HSDL2: variants seen among roughly 807,000 people sequenced by gnomAD.
HSDL2 encodes the protein hydroxysteroid dehydrogenase like 2.
In HSDL2, 27 loss-of-function variants were observed where a neutral mutation model predicts 46.3. The observed-to-expected ratio is 0.58, with a 90% CI of 0.43 to 0.80. The LOEUF is 0.80. HSDL2 is among the 30% of genes least tolerant of loss of function. The pLI, the probability that HSDL2 is intolerant of heterozygous loss-of-function variation, is 0.00. For missense variants in HSDL2, 451 were observed against 502.7 expected (o/e 0.90, Z 0.98); for synonymous variants, 153 against 163.6 (o/e 0.94, Z 0.50).
chr9:112,380,122 C>T lies in HSDL2; in HGVS notation c.-42C>T, dbSNP rs747164243. ...GGTCCAGCTTTAGCTCTCTGCTCGC[C>T]GCCGCCGCTGTCGCCGCCACCTCCT... On this transcript the variant is annotated 5_prime_UTR_variant, in exon 1 of 11. Coordinates refer to ENST00000398805, the MANE Select transcript of HSDL2 (RefSeq NM_032303.5). 5 of 1,542,780 alleles carry T rather than the reference C, an allele frequency of 3.2e-6. No individual in the cohort carries two copies. The Middle Eastern group carries it at 8.6e-4, about 267-fold the overall frequency.
chr9:112,462,279 C>G (rs921285806), intron 10 of HSDL2, among the ~76,000 whole-genome samples: 2 of 152,122 alleles, frequency 1.3e-5, no homozygotes, highest in African/African-American at 4.8e-5. Flanking sequence ...GCCTGGCCTA[C>G]AGGGCAAAAC....
At chr9:112,423,010 T>C (rs1211376195) in intron 6 of HSDL2, among the ~76,000 whole-genome samples, 1 of 152,202 alleles carries the variant, frequency 6.6e-6, no homozygotes, top group Admixed American at 6.5e-5. Context: ...TATGTGGATA[T>C]GCTACCACAC....
intron 10 of HSDL2, among the ~76,000 whole-genome samples, chr9:112,461,179 G>A (rs1472200522): frequency 2.6e-5 from 4 of 151,898 alleles, no homozygotes; most frequent in African/African-American, 9.7e-5. Context: ...CCGGGTTCAA[G>A]CAATTCTCCT....
intron 4 of HSDL2, among the ~76,000 whole-genome samples, chr9:112,413,035 A>G (rs918489560): frequency 7.2e-5 from 11 of 152,194 alleles, no homozygotes; most frequent in Non-Finnish European, 1.5e-4. Flanking sequence ...TTAAAAAAAA[A>G]ACACTAAATA....
chr9:112,428,251 A>G (rs1832296818), intron 6 of HSDL2, among the ~76,000 whole-genome samples: 1 of 152,192 alleles, frequency 6.6e-6, no homozygotes, highest in South Asian at 2.1e-4. Context: ...TTTTTCTTCT[A>G]AGTAGTCCAG....
At chr9:112,388,228 C>T (rs571423871) in intron 1 of HSDL2, among the ~76,000 whole-genome samples, 9 of 151,464 alleles carry the variant, frequency 5.9e-5, no homozygotes, top group South Asian at 4.2e-4. Context: ...TTTGGGAGGC[C>T]GAGGCGGGCA....
At chr9:112,433,124 T>G (rs1438120252) in intron 6 of HSDL2, among the ~76,000 whole-genome samples, 2 of 152,240 alleles carry the variant, frequency 1.3e-5, no homozygotes, top group East Asian at 3.9e-4. Context: ...ATCAGAGCAG[T>G]AGATTTTCAA....
rs191140909 is a variant in HSDL2, at chr9:112,400,815, C to T, written c.18-3180C>T. ...GCTTGCAGCTGCATCCCTCCAGGCT[C>T]TCTGCCTTTGTCATCACACATTCTC... On this transcript the variant is annotated intron_variant, in intron 1 of 10. Transcript: ENST00000398805. 2.6e-3 allele frequency among the ~76,000 whole-genome samples: 399 copies of T among 152,352 alleles called. 5 individuals carry two copies. Among genetic ancestry groups the T allele is most frequent in the Middle Eastern group, 0.014 (4 of 294 alleles).
Position 112,450,626 on chromosome 9 carries a change from C to CAAAAAAA in HSDL2, c.866-3377_866-3371dup, listed in dbSNP as rs56114018. 1.1e-4 allele frequency among the ~76,000 whole-genome samples: 13 copies of CAAAAAAA among 120,660 alleles called. No homozygotes were observed. The South Asian group carries it at 1.4e-3, about 13-fold the overall frequency. 79.2% of individuals were successfully genotyped at this position (120,660 alleles called of 152,430 possible). Reference sequence around the variant, plus strand: ...CCTAGGTGACAGAGCAAGACTGCCTCAAAAAAAAAAAAAAAAGTATAGAAC... The same window carrying CAAAAAAA: ...CCTAGGTGACAGAGCAAGACTGCCTCAAAAAAAAAAAAAAAAAAAAAAAGTATAGAAC... On this transcript the variant is annotated intron_variant, in intron 8 of 10. Coordinates refer to ENST00000398805, the MANE Select transcript of HSDL2 (RefSeq NM_032303.5).
At chr9:112,396,642 T>G (rs35959363) in intron 1 of HSDL2, among the ~76,000 whole-genome samples, 8,183 of 152,164 alleles carry the variant, frequency 0.054, 482 homozygotes, top group African/African-American at 0.14. Flanking sequence ...ATTCCTTTAG[T>G]AGTAGTGGAT....
At chr9:112,422,185 G>C (rs1028255259) in intron 6 of HSDL2, among the ~76,000 whole-genome samples, 3 of 151,970 alleles carry the variant, frequency 2.0e-5, no homozygotes, top group Non-Finnish European at 2.9e-5. Context: ...AAACTATCCC[G>C]GGCGACAGAG....
chr9:112,443,879 T>C (rs1250172675), intron 8 of HSDL2, among the ~76,000 whole-genome samples: 1 of 152,222 alleles, frequency 6.6e-6, no homozygotes, highest in Non-Finnish European at 1.5e-5. Context: ...AACAGAATCA[T>C]AGTCAGAAGG....
chr9:112,449,700 C>A (rs565080660), intron 8 of HSDL2, among the ~76,000 whole-genome samples: 355 of 152,050 alleles, frequency 2.3e-3, no homozygotes, highest in Admixed American at 5.7e-3. Flanking sequence ...TCTGTCTCTA[C>A]TAAAAATACA....
intron 9 of HSDL2, among the ~76,000 whole-genome samples, chr9:112,454,874 T>G (rs537402291): frequency 6.6e-6 from 1 of 151,644 alleles, no homozygotes; most frequent in East Asian, 2.0e-4. Flanking sequence ...CATGGCTAAT[T>G]TTTGTATTTT....
At chr9:112,453,812 C>T (rs1564130872) in intron 8 of HSDL2, among the ~76,000 whole-genome samples, 1 of 152,170 alleles carries the variant, frequency 6.6e-6, no homozygotes, top group Non-Finnish European at 1.5e-5. Flanking sequence ...TAAAGATTTA[C>T]ATTTATAGTC....
At chr9:112,454,437 C>A (rs1412390809) in intron 9 of HSDL2, among the ~76,000 whole-genome samples, 1 of 152,190 alleles carries the variant, frequency 6.6e-6, no homozygotes, top group African/African-American at 2.4e-5. Flanking sequence ...AAGTAATCCT[C>A]TGACCTCAGC....
intron 1 of HSDL2, among the ~76,000 whole-genome samples, chr9:112,403,445 G>A (rs769659811): frequency 1.2e-4 from 19 of 152,326 alleles, no homozygotes; most frequent in African/African-American, 3.6e-4. Context: ...CATTGTATGC[G>A]TGGCTACACC....
intron 6 of HSDL2, among the ~76,000 whole-genome samples, chr9:112,432,414 T>TGTTTTATTATAGTCATTGTA (rs555532645): frequency 5.6e-4 from 86 of 152,354 alleles, no homozygotes; most frequent in African/African-American, 1.9e-3. Context: ...TTGCTTTGTT[T>TGTTTTATTATAGTCATTGTA]GTTTTATTAT....
chr9:112,399,938 T>G (rs1051180741), intron 1 of HSDL2, among the ~76,000 whole-genome samples: 5 of 152,216 alleles, frequency 3.3e-5, no homozygotes, highest in African/African-American at 9.6e-5. Flanking sequence ...ACGTACATCC[T>G]CAGCTTACGA....
Sources: allele counts gnomAD v4.1 joint callset (sites outside exome capture counted in the v4.1 genomes callset), GRCh38; gene constraint gnomAD v4.1.1; transcripts MANE v1.5; gene names NCBI Gene and HGNC (gene_info 2026-07-23, HGNC 2026-07-21).